AKAP17A: variants seen among roughly 807,000 people sequenced by gnomAD.
AKAP17A encodes A-kinase anchor protein 17A.
Under a neutral mutation model 52.2 loss-of-function variants are expected in AKAP17A, and 15 were observed. That is an observed-to-expected ratio of 0.29 (90% CI 0.19 to 0.44). The LOEUF (loss-of-function observed/expected upper bound fraction) is 0.44, where lower values mean the gene tolerates loss of function less well. AKAP17A is among the 20% of genes least tolerant of loss of function. AKAP17A has a pLI of 1.00. For missense variants in AKAP17A, 1,060 were observed against 1,007.0 expected, an observed-to-expected ratio of 1.05 and a Z score of -0.71; for synonymous variants, 514 against 424.7, an observed-to-expected ratio of 1.21 and a Z score of -2.58.
chrX:1,594,444 A>T (rs1306468665), intron 2 of AKAP17A, among the ~76,000 whole-genome samples: 1 of 151,990 alleles, frequency 6.6e-6, no homozygotes, highest in African/African-American at 2.4e-5. Flanking sequence ...ATCTTAAGGA[A>T]GATGTGGGGG....
At position 1,601,708 on chromosome X, in the gene AKAP17A, AGC is replaced by A; in HGVS notation, c.*115_*116del. 1.9e-6 allele frequency: 2 copies of A among 1,048,672 alleles called. No homozygotes were observed. Among genetic ancestry groups the A allele is most frequent in the Admixed American group, 3.8e-5 (1 of 26,414 alleles). 65.0% of individuals were successfully genotyped at this position (1,048,672 alleles called of 1,614,324 possible). ...CCCTGCAAAGCCAAGACCCTTCTGCAGCCACGAATGTCCACGGAGCCCGCCGG... is the reference window on the plus strand; with the variant it reads ...CCCTGCAAAGCCAAGACCCTTCTGCACACGAATGTCCACGGAGCCCGCCGG... On this transcript the variant is annotated 3_prime_UTR_variant, in exon 5 of 5. Transcript: ENST00000313871.
chrX:1,597,202 A>C (rs1366879691), intron 3 of AKAP17A, among the ~76,000 whole-genome samples: 19 of 152,182 alleles, frequency 1.2e-4, no homozygotes, highest in African/African-American at 4.1e-4. Context: ...GAGCAGGTCC[A>C]TCCTGCCCGT....
intron 3 of AKAP17A, among the ~76,000 whole-genome samples, chrX:1,597,228 GC>G (rs1933048627): frequency 6.6e-6 from 1 of 152,176 alleles, no homozygotes; most frequent in Admixed American, 6.5e-5. Context: ...TCTTTACGTA[GC>G]CCCCGTTGCC....
rs1265634111 is a variant in AKAP17A at position 1,593,657 on chromosome X, C to T, written c.195C>T (p.Ser65=). 1.9e-6 allele frequency: 3 copies of T among 1,613,956 alleles called. No individual in the cohort carries two copies. Among genetic ancestry groups the T allele is most frequent in the African/African-American group, 1.3e-5 (1 of 75,048 alleles). Residue 65 remains serine (S), a synonymous_variant, in exon 2 of 5, where the codon TCC becomes TCT. Coordinates refer to ENST00000313871, the MANE Select transcript of AKAP17A (RefSeq NM_005088.3). ...LKGMVQNHQF[S]TLRISKSTMD... is the part of the protein sequence containing the mutation. The stretch of plus-strand genomic sequence containing the variant: ...GCATGGTGCAGAACCACCAGTTCTC[C>T]ACGCTGCGTATTTCCAAGAGCACCA...
chrX:1,597,052 G>T (rs1202355185), intron 3 of AKAP17A, among the ~76,000 whole-genome samples: 3 of 152,208 alleles, frequency 2.0e-5, no homozygotes, highest in Non-Finnish European at 4.4e-5. Context: ...CTTGGCTGGG[G>T]GGCTCCTGGA....
At chrX:1,598,711 G>C (rs1253123144) in intron 3 of AKAP17A, among the ~76,000 whole-genome samples, 2 of 152,146 alleles carry the variant, frequency 1.3e-5, no homozygotes, top group Admixed American at 6.5e-5. Context: ...GATTTGTTTA[G>C]AGAGAGGTCC....
intron 3 of AKAP17A, among the ~76,000 whole-genome samples, chrX:1,596,038 G>T (rs1229423598): frequency 6.6e-6 from 1 of 151,980 alleles, no homozygotes; most frequent in Non-Finnish European, 1.5e-5. Flanking sequence ...GTCACACGTC[G>T]TGGTCTGACA....
intron 4 of AKAP17A, chrX:1,600,406 G>A (rs1933291701): frequency 1.6e-6 from 1 of 625,986 alleles, no homozygotes; most frequent in South Asian, 2.0e-5. Flanking sequence ...GCTGCGCCGA[G>A]CCGCTTTGCC....
At chrX:1,597,723 C>G (rs1323848272) in intron 3 of AKAP17A, among the ~76,000 whole-genome samples, 1 of 151,948 alleles carries the variant, frequency 6.6e-6, no homozygotes, top group Non-Finnish European at 1.5e-5. Context: ...GAAGCTGCAT[C>G]CTTGATCTTT....
In AKAP17A at chrX:1,602,436, C is replaced by T. The variant is rs1238008210; in HGVS notation, c.*842C>T. On this transcript the variant is annotated 3_prime_UTR_variant, in exon 5 of 5. Transcript: ENST00000313871. ...GAAGCTCAGAAATACCTAAAAATAG[C>T]TGTAACGTTCGCGTTAGGAAAGATG... 2.6e-5 allele frequency: 4 copies of T among 152,134 alleles called. No homozygotes were observed. The highest frequency in any genetic ancestry group is 5.9e-5 in the Non-Finnish European group (4 of 68,034). 9.4% of individuals were successfully genotyped at this position (152,134 alleles called of 1,614,324 possible).
intron 4 of AKAP17A, chrX:1,599,901 G>C (rs1453636360): frequency 7.3e-6 from 4 of 551,620 alleles, no homozygotes; most frequent in Non-Finnish European, 1.3e-5. Flanking sequence ...TCCCTCCTCC[G>C]CAGCGTGAAC....
chrX:1,593,715 A>C lies in AKAP17A; in HGVS notation c.253A>C (p.Asn85His). Reference protein sequence around the residue: ...DFIRFEGEVENKSLVKSFLAC... With the variant: ...DFIRFEGEVEHKSLVKSFLAC... The stretch of plus-strand genomic sequence containing the variant: ...CATCCGCTTCGAGGGGGAGGTGGAG[A>C]ACAAGAGCCTGGTCAAGTCTTTTCT... Residue 85 changes from asparagine to histidine, a missense_variant, in exon 2 of 5, where the codon AAC becomes CAC. Transcript: ENST00000313871. 6.2e-7 allele frequency: 1 copy of C among 1,613,966 alleles called. No homozygotes were observed. The highest frequency in any genetic ancestry group is 8.5e-7 in the Non-Finnish European group (1 of 1,179,876).
chrX:1,594,625 TA>T (rs1932905695), intron 2 of AKAP17A, among the ~76,000 whole-genome samples: 1 of 151,998 alleles, frequency 6.6e-6, no homozygotes, highest in Admixed American at 6.6e-5. Context: ...TTTTTATTTT[TA>T]TTTTTTTTTC....
At chrX:1,598,301 G>A (rs187328572) in intron 3 of AKAP17A, among the ~76,000 whole-genome samples, 52 of 152,244 alleles carry the variant, frequency 3.4e-4, no homozygotes, top group African/African-American at 9.1e-4. Flanking sequence ...CACCTGGCCC[G>A]GCCCCCTTCT....
chrX:1,595,238 CACCGGACATGAGTGGTGAGCGGTGA>C lies in AKAP17A; in HGVS notation c.763-145_763-121del. ...TTCTGGGCTCCACTGTCTGGGTCTG[CACCGGACATGAGTGGTGAGCGGTGA>C]GCGGTGAGCGGGCGCTCAGGCTCTG... On this transcript the variant is annotated intron_variant, in intron 2 of 4. Coordinates refer to ENST00000313871, the MANE Select transcript of AKAP17A (RefSeq NM_005088.3). 3.8e-4 allele frequency: 72 copies of C among 187,120 alleles called. 16 individuals carry two copies. The highest frequency in any genetic ancestry group is 5.4e-3 in the Middle Eastern group (2 of 370). 11.6% of individuals were successfully genotyped at this position (187,120 alleles called of 1,614,324 possible).
intron 3 of AKAP17A, among the ~76,000 whole-genome samples, chrX:1,597,194 G>C (rs1933046166): frequency 6.6e-6 from 1 of 152,220 alleles, no homozygotes. Flanking sequence ...ACTCCTGGGA[G>C]CAGGTCCATC....
intron 4 of AKAP17A, chrX:1,599,700 C>T: frequency 1.6e-6 from 1 of 639,500 alleles, no homozygotes; most frequent in East Asian, 2.7e-5. Flanking sequence ...TCCCGGGGGC[C>T]AGGGCAGAGG....
rs530111015 is a variant in AKAP17A, at chrX:1,600,282, G to A, written c.1153-377G>A. 2.4e-3 allele frequency: 2,522 copies of A among 1,049,428 alleles called. 16 individuals are homozygous for A. Among genetic ancestry groups the A allele is most frequent in the South Asian group, 6.5e-3 (470 of 72,192 alleles). 65.0% of individuals were successfully genotyped at this position (1,049,428 alleles called of 1,614,324 possible). A position where few individuals can be genotyped will look rare whatever the true frequency, so the allele number is the denominator to read the frequency against. ...TACGGCGGTGGCATGCGTCTGCGGC[G>A]TCATCTCAGCTCCCTGTTGCTGGCG... is the stretch of plus-strand genomic sequence containing the variant. On this transcript the variant is annotated intron_variant, in intron 4 of 4. Coordinates refer to ENST00000313871, the MANE Select transcript of AKAP17A (RefSeq NM_005088.3).
intron 1 of AKAP17A, among the ~76,000 whole-genome samples, 177 bp downstream of exon 1, chrX:1,591,946 C>CG (rs1439265774): frequency 3.0e-5 from 1 of 33,696 alleles, no homozygotes. Context: ...TGAAACTGTA[C>CG]GGGGGAATCG....
Sources: allele counts gnomAD v4.1 joint callset (sites outside exome capture counted in the v4.1 genomes callset), GRCh38; gene constraint gnomAD v4.1.1; transcripts MANE v1.5; gene names NCBI Gene and HGNC (gene_info 2026-07-23, HGNC 2026-07-21).